Variants in MYT1 observed in about 807,000 individuals in gnomAD.
MYT1 encodes the protein myelin transcription factor I.
Under a neutral mutation model 123.0 loss-of-function variants are expected in MYT1, and 23 were observed. The ratio of observed to expected loss-of-function variants is 0.19; its 90% CI spans 0.13 to 0.26. MYT1 has a LOEUF of 0.26. MYT1 is among the 10% of genes least tolerant of loss of function. The pLI, the probability that MYT1 is intolerant of heterozygous loss-of-function variation, is 1.00. For missense variants in MYT1, 1,125 were observed against 1,472.5 expected (o/e 0.76, Z 3.86); for synonymous variants, 518 against 575.3 (o/e 0.90, Z 1.43).
Position 64,218,757 on chromosome 20 carries a change from T to C in MYT1, c.1847-154T>C. 5.1e-6 allele frequency: 3 copies of C among 592,850 alleles called. No homozygotes were observed. The highest frequency in any genetic ancestry group is 5.9e-6 in the Non-Finnish European group (2 of 338,030). The allele number at this position is 592,850 out of a possible 1,614,324, so 36.7% of individuals were successfully genotyped here. A position where few individuals can be genotyped will look rare whatever the true frequency, so the allele number is the denominator to read the frequency against. On this transcript the variant is annotated intron_variant, in intron 11 of 22. Transcript: ENST00000328439. This position sits in a 1 kb window ranked among gnomAD's most constrained non-coding sequence, Gnocchi z 4.0. ...CTCCCATCCCTCCCAAAGTGCCCCC[T>C]CCCCACTGACTTGTCTGCATTGCTG...
rs547492314 is a variant in MYT1 at position 64,227,934 on chromosome 20, C to T, written c.2638C>T (p.Pro880Ser). Residue 880 changes from proline to serine, a missense_variant, in exon 18 of 23, where the codon CCC becomes TCC. Pro to Ser is a moderately conservative substitution (Grantham distance 74, BLOSUM62 -1). Transcript: ENST00000328439. The stretch of plus-strand genomic sequence containing the variant: ...AAAGAAAAGTGGAGTCAAGGTGGCA[C>T]CCACCAAGGACGACAAGGAGGACCC... ...RAKKSGVKVA[P>S]TKDDKEDPEL... 3.7e-6 allele frequency: 6 copies of T among 1,613,950 alleles called. No individual in the cohort carries two copies. The Admixed American group carries it at 8.3e-5, about 22-fold the overall frequency.
At chr20:64,230,719 C>A (rs1280673942) in intron 18 of MYT1, among the ~76,000 whole-genome samples, 1 of 152,220 alleles carries the variant, frequency 6.6e-6, no homozygotes, top group African/African-American at 2.4e-5. Context: ...CCCATAGGGG[C>A]CCCTGGCAGT....
chr20:64,169,701 C>T lies in MYT1; in HGVS notation c.-99+4962C>T, dbSNP rs78014366. Among the ~76,000 whole-genome samples, 25 of 152,248 alleles carry T rather than the reference C, an allele frequency of 1.6e-4. No homozygotes were observed. The East Asian group carries it at 3.3e-3, about 20-fold the overall frequency. On this transcript the variant is annotated intron_variant, in intron 1 of 22. Transcript: ENST00000328439. The stretch of plus-strand genomic sequence containing the variant: ...GAAAAACAGAGATTTGAAATTGGGA[C>T]GACTTACTATGGTTAACATTATTTT...
chr20:64,227,409 C>T lies in MYT1; in HGVS notation c.2529-6C>T, dbSNP rs1224332845. ...GCTCCCGTTCCAGTTCTGCTTCCCT[C>T]TGCAGGTGCCCCACGCCCGGCTGTG... On this transcript the variant is annotated splice_polypyrimidine_tract_variant and splice_region_variant and intron_variant, in intron 16 of 22. Coordinates refer to ENST00000328439, the MANE Select transcript of MYT1 (RefSeq NM_004535.3). 6.2e-7 allele frequency: 1 copy of T among 1,612,490 alleles called. No homozygotes were observed. Among genetic ancestry groups the T allele is most frequent in the African/African-American group, 1.3e-5 (1 of 74,946 alleles).
At chr20:64,210,599 A>C (rs570112270) in intron 7 of MYT1, among the ~76,000 whole-genome samples, 21 of 152,342 alleles carry the variant, frequency 1.4e-4, no homozygotes, top group African/African-American at 4.8e-4. Context: ...ACCCTCCCAA[A>C]GGGGACAGCT....
At chr20:64,195,418 C>T (rs374744189) in intron 2 of MYT1, among the ~76,000 whole-genome samples, 325 of 6,714 alleles carry the variant, frequency 0.048, 3 homozygotes, top group African/African-American at 0.15. Context: ...TTTTTTGAGA[C>T]GGAGTCTCAC....
At chr20:64,235,654 C>G (rs1203052457) in intron 19 of MYT1, among the ~76,000 whole-genome samples, 31 of 134,104 alleles carry the variant, frequency 2.3e-4, no homozygotes, top group African/African-American at 7.9e-4. Context: ...GGTGGGTGAC[C>G]CTGGGATGGC....
At position 64,189,074 on chromosome 20, in the gene MYT1, G is replaced by A. The variant is rs1982894960; in HGVS notation, c.-98-989G>A. On this transcript the variant is annotated intron_variant, in intron 1 of 22. Transcript: ENST00000328439. This position sits in a 1 kb window ranked among gnomAD's most constrained non-coding sequence, Gnocchi z 5.5. Reference sequence around the variant, plus strand: ...AGATAAGAAGAGGGTGCTGTGGCCAGAGGCACAGGGCTGCCTGGGGCCAGG... The same window carrying A: ...AGATAAGAAGAGGGTGCTGTGGCCAAAGGCACAGGGCTGCCTGGGGCCAGG... Among the ~76,000 whole-genome samples the A allele has an allele frequency of 6.6e-6, 1 of 152,250 alleles. No homozygotes were observed. Among genetic ancestry groups the A allele is most frequent in the African/African-American group, 2.4e-5 (1 of 41,464 alleles).
In MYT1 at chr20:64,223,976, C is replaced by G. The variant is rs78290161; in HGVS notation, c.2528+617C>G. Reference sequence around the variant, plus strand: ...ATGGGCAGGGCAGGCCCTGCAGGCACCAGCTATAGCTTGCTGGACAGTCCT... The same window carrying G: ...ATGGGCAGGGCAGGCCCTGCAGGCAGCAGCTATAGCTTGCTGGACAGTCCT... On this transcript the variant is annotated intron_variant, in intron 16 of 22. Coordinates refer to ENST00000328439, the MANE Select transcript of MYT1 (RefSeq NM_004535.3). Among the ~76,000 whole-genome samples the G allele has an allele frequency of 8.7e-3, 1,325 of 152,330 alleles. 24 individuals are homozygous for G. Among genetic ancestry groups the G allele is most frequent in the African/African-American group, 0.03 (1,263 of 41,578 alleles).
At chr20:64,221,753 C>A in intron 13 of MYT1, 140 bp from the exon 14 acceptor site, 1 of 842,334 alleles carries the variant, frequency 1.2e-6, no homozygotes, top group South Asian at 1.8e-5. Flanking sequence ...AAGTCTTCCT[C>A]CCTTATCCAG....
chr20:64,234,785 G>T (rs1376296721), intron 19 of MYT1, among the ~76,000 whole-genome samples: 1 of 149,364 alleles, frequency 6.7e-6, no homozygotes, highest in Non-Finnish European at 1.5e-5. Context: ...CCCTGGGATG[G>T]TCATGGTGTG....
chr20:64,180,688 C>T (rs1282599674), intron 1 of MYT1, among the ~76,000 whole-genome samples: 1 of 152,248 alleles, frequency 6.6e-6, no homozygotes, highest in Non-Finnish European at 1.5e-5. Flanking sequence ...GATTGGCCTC[C>T]CTGTGGCTCC....
chr20:64,212,644 C>T lies in MYT1; in HGVS notation c.1517+506C>T, dbSNP rs1983715753. ...TTCAGAAAACCTCTGCACACTGGCT[C>T]TTGCTCCTGAGTGGGAAGGGCAGAC... On this transcript the variant is annotated intron_variant, in intron 9 of 22. Coordinates refer to ENST00000328439, the MANE Select transcript of MYT1 (RefSeq NM_004535.3). This position sits in a 1 kb window ranked among gnomAD's most constrained non-coding sequence, Gnocchi z 6.8. 6.6e-6 allele frequency among the ~76,000 whole-genome samples: 1 copy of T among 152,304 alleles called. No homozygotes were observed. The highest frequency in any genetic ancestry group is 2.4e-5 in the African/African-American group (1 of 41,556).
Position 64,208,533 on chromosome 20 carries a change from C to G in MYT1, c.1291+46C>G. 6.5e-7 allele frequency: 1 copy of G among 1,539,778 alleles called. No homozygotes were observed. Among genetic ancestry groups the G allele is most frequent in the Non-Finnish European group, 8.8e-7 (1 of 1,141,932 alleles). On this transcript the variant is annotated intron_variant, in intron 7 of 22. Transcript: ENST00000328439. This position sits in a 1 kb window ranked among gnomAD's most constrained non-coding sequence, Gnocchi z 5.4. ...GGCCCTGCAGACTCATCCTTTCACC[C>G]CTGCCCCAGGTGTGCAGATGCAGGC...
At chr20:64,194,232 G>A (rs1438431039) in intron 2 of MYT1, among the ~76,000 whole-genome samples, 1 of 152,218 alleles carries the variant, frequency 6.6e-6, no homozygotes, top group Admixed American at 6.5e-5. Context: ...ACAGGCACAA[G>A]GTGGAGACTG....
rs1470359999 is a variant in MYT1, at chr20:64,237,270, G to A, written c.2990-17G>A. ...CCTGAGGCCCAAAGCCACAACTGAG[G>A]TTTCTCTCTGGGTCAGTGTTGGAGA... is the stretch of plus-strand genomic sequence containing the variant. On this transcript the variant is annotated splice_polypyrimidine_tract_variant and intron_variant, in intron 20 of 22. Transcript: ENST00000328439. The A allele has an allele frequency of 1.2e-6, 2 of 1,605,962 alleles. No individual in the cohort carries two copies. Among genetic ancestry groups the A allele is most frequent in the Non-Finnish European group, 8.5e-7 (1 of 1,176,896 alleles).
At chr20:64,176,662 G>T (rs1472524104) in intron 1 of MYT1, among the ~76,000 whole-genome samples, 1 of 152,252 alleles carries the variant, frequency 6.6e-6, no homozygotes, top group Admixed American at 6.5e-5. Context: ...AGCTGTGTGT[G>T]TCTGCGTGGA....
chr20:64,206,009 CTGTG>C (rs1272315107), intron 6 of MYT1, among the ~76,000 whole-genome samples: 2 of 152,130 alleles, frequency 1.3e-5, no homozygotes, highest in Non-Finnish European at 2.9e-5. Context: ...TGTGTGAACA[CTGTG>C]TGCGTAGGAG....
chr20:64,200,492 A>G (rs1983263079), intron 4 of MYT1, among the ~76,000 whole-genome samples: 2 of 152,196 alleles, frequency 1.3e-5, no homozygotes, highest in African/African-American at 4.8e-5. Flanking sequence ...TCTGCCAATC[A>G]GGAAAATGAG....
Sources: allele counts gnomAD v4.1 joint callset (sites outside exome capture counted in the v4.1 genomes callset), GRCh38; gene constraint gnomAD v4.1.1; non-coding constraint Gnocchi (gnomAD v3.1); transcripts MANE v1.5; gene names NCBI Gene and HGNC (gene_info 2026-07-23, HGNC 2026-07-21).